The following HTR3B variants were observed in gnomAD, a reference collection of about 807,000 sequenced individuals.
HTR3B encodes the protein 5-hydroxytryptamine receptor 3B.
HTR3B carries 44 observed loss-of-function variants against 42.8 expected under a neutral mutation model. That is an observed-to-expected ratio of 1.03 (90% CI 0.81 to 1.32). HTR3B has a LOEUF of 1.32. Ranked by LOEUF, HTR3B falls within the 40% of genes most tolerant of loss-of-function variation. The pLI is 0.00. For missense variants in HTR3B, 527 were observed against 536.5 expected, an observed-to-expected ratio of 0.98 and a Z score of 0.17; for synonymous variants, 203 against 209.0, an observed-to-expected ratio of 0.97 and a Z score of 0.25.
intron 2 of HTR3B, among the ~76,000 whole-genome samples, chr11:113,915,495 A>G (rs938127589): frequency 3.9e-5 from 6 of 152,222 alleles, no homozygotes; most frequent in Non-Finnish European, 5.9e-5. Flanking sequence ...TTCACTTAGC[A>G]TAATGCCTTT....
chr11:113,932,190 G>A (rs1950041952), intron 4 of HTR3B, 99 bp from the exon 5 acceptor site: 1 of 974,322 alleles, frequency 1.0e-6, no homozygotes, highest in African/African-American at 1.6e-5. Flanking sequence ...GGCTAGGCTG[G>A]TCCTGGACCT....
At position 113,927,479 on chromosome 11, in the gene HTR3B, G is replaced by A. The variant is rs116101695; in HGVS notation, c.214-3905G>A. ...AATTCAAATTATAAAAGCAACCATC[G>A]CTGCTAATTTTTACTTTTCTCTGCA... On this transcript the variant is annotated intron_variant, in intron 2 of 8. Coordinates refer to ENST00000260191, the MANE Select transcript of HTR3B (RefSeq NM_006028.5). Among the ~76,000 whole-genome samples the A allele has an allele frequency of 7.2e-5, 11 of 152,028 alleles. No individual in the cohort carries two copies. In the South Asian group the frequency reaches 8.3e-4, roughly 12 times the overall value.
rs925014962 is a variant in HTR3B, at chr11:113,942,699, T to C, written c.697-283T>C. On this transcript the variant is annotated intron_variant, in intron 6 of 8. Coordinates refer to ENST00000260191, the MANE Select transcript of HTR3B (RefSeq NM_006028.5). Reference sequence around the variant, plus strand: ...TAAGTTAAGTTTATGAGCCACTGAGTCTGGTGCCTGGCACACAGCAAGTGG... The same window carrying C: ...TAAGTTAAGTTTATGAGCCACTGAGCCTGGTGCCTGGCACACAGCAAGTGG... Among the ~76,000 whole-genome samples, 23 of 152,252 alleles carry C rather than the reference T, an allele frequency of 1.5e-4. No homozygotes were observed. In the South Asian group the frequency reaches 1.9e-3, roughly 12 times the overall value.
intron 4 of HTR3B, 42 bp from the exon 5 acceptor site, chr11:113,932,247 A>G: frequency 6.5e-7 from 1 of 1,535,750 alleles, no homozygotes; most frequent in Non-Finnish European, 9.0e-7. Context: ...GAAATGACCA[A>G]CATCCTCTCT....
intron 2 of HTR3B, among the ~76,000 whole-genome samples, chr11:113,912,508 G>C (rs927828664): frequency 7.2e-5 from 11 of 152,224 alleles, no homozygotes; most frequent in Non-Finnish European, 1.5e-5. Context: ...CTCCCAAAGT[G>C]CTGGGATTAC....
chr11:113,905,688 C>T (rs1949728850), intron 1 of HTR3B, among the ~76,000 whole-genome samples: 1 of 152,114 alleles, frequency 6.6e-6, no homozygotes, highest in African/African-American at 2.4e-5. Flanking sequence ...TACATGCGCA[C>T]AAATCAAGAA....
At chr11:113,910,487 C>G (rs980152686) in intron 2 of HTR3B, among the ~76,000 whole-genome samples, 11 of 149,686 alleles carry the variant, frequency 7.3e-5, no homozygotes, top group Non-Finnish European at 1.5e-5. Flanking sequence ...GTCACCCAGG[C>G]TGGAGTCCAA....
At chr11:113,913,109 G>A (rs565254894) in intron 2 of HTR3B, among the ~76,000 whole-genome samples, 1 of 150,232 alleles carries the variant, frequency 6.7e-6, no homozygotes, top group Admixed American at 6.6e-5. Context: ...TTTCTTAATG[G>A]GTCTTACAAT....
rs267602701 is a variant in HTR3B at position 113,931,784 on chromosome 11, G to A, written c.285G>A (p.Trp95Ter). 6.2e-7 allele frequency: 1 copy of A among 1,612,144 alleles called. No individual in the cohort carries two copies. The highest frequency in any genetic ancestry group is 1.1e-5 in the South Asian group (1 of 91,044). ...QEVWNDEFLS[W>*]NSSMFDEIRE... is the part of the protein sequence containing the mutation. ...TCTGGAATGATGAATTTTTATCCTG[G>A]AACTCCAGCATGTTTGATGAGATTA... The change falls in exon 4 of 9, where the codon TGG (tryptophan) becomes TGA (stop). Residue 95 changes from tryptophan (W) to a stop codon, truncating the protein, a stop_gained. Coordinates refer to ENST00000260191, the MANE Select transcript of HTR3B (RefSeq NM_006028.5). LOFTEE classifies it high-confidence loss of function.
the HTR3B span, among the ~76,000 whole-genome samples, chr11:113,898,938 G>A: frequency 6.6e-6 from 1 of 152,078 alleles, no homozygotes; most frequent in African/African-American, 2.4e-5. Flanking sequence ...ATAAATTTGT[G>A]GTAATTTTTA....
upstream of HTR3B, among the ~76,000 whole-genome samples, chr11:113,901,801 A>C (rs751516292): frequency 2.6e-4 from 40 of 152,232 alleles, no homozygotes; most frequent in Admixed American, 1.3e-4. Context: ...CGTCCCCAGA[A>C]GGTTTGACTT....
chr11:113,944,918 A>G (rs1950165249), intron 8 of HTR3B, among the ~76,000 whole-genome samples, 163 bp downstream of exon 8: 1 of 152,270 alleles, frequency 6.6e-6, no homozygotes, highest in East Asian at 1.9e-4. Flanking sequence ...TGGAGACTGA[A>G]GGCTGCCTGC....
rs71063533 is a variant in HTR3B, at chr11:113,913,350, A to ATTTTTTTTTT, written c.213+3918_213+3927dup. ...AGGTGCCTGCCACCATGTCTGGCTA[A>ATTTTTTTTTT]TTTTTTTTTTTTTTTTTTTTTTTTT... On this transcript the variant is annotated intron_variant, in intron 2 of 8. Coordinates refer to ENST00000260191, the MANE Select transcript of HTR3B (RefSeq NM_006028.5). 3.0e-3 allele frequency among the ~76,000 whole-genome samples: 182 copies of ATTTTTTTTTT among 61,508 alleles called. 6 individuals are homozygous for ATTTTTTTTTT. Among genetic ancestry groups the ATTTTTTTTTT allele is most frequent in the Admixed American group, 9.7e-3 (38 of 3,916 alleles). The allele number at this position is 61,508 out of a possible 152,430, so 40.4% of individuals were successfully genotyped here. A position where few individuals can be genotyped will look rare whatever the true frequency, so the allele number is the denominator to read the frequency against.
intron 6 of HTR3B, among the ~76,000 whole-genome samples, chr11:113,939,640 G>T (rs1346303928): frequency 6.6e-6 from 1 of 152,178 alleles, no homozygotes; most frequent in Non-Finnish European, 1.5e-5. Context: ...ACATAGATTT[G>T]CTGTCGTGTC....
At chr11:113,910,646 G>C (rs1029211553) in intron 2 of HTR3B, among the ~76,000 whole-genome samples, 15 of 150,688 alleles carry the variant, frequency 1.0e-4, no homozygotes, top group African/African-American at 3.7e-4. Context: ...TCACCTGTTG[G>C]ACAGGTTGGT....
intron 2 of HTR3B, among the ~76,000 whole-genome samples, chr11:113,915,411 C>A (rs917079403): frequency 1.3e-5 from 2 of 151,946 alleles, no homozygotes; most frequent in Non-Finnish European, 2.9e-5. Context: ...ATTTTTTTTC[C>A]CTCTAGTTTT....
upstream of HTR3B, among the ~76,000 whole-genome samples, chr11:113,902,893 G>C (rs1350737611): frequency 6.6e-6 from 1 of 151,968 alleles, no homozygotes; most frequent in East Asian, 1.9e-4. Flanking sequence ...TTTTGAGACA[G>C]GGTCTACCTC....
Position 113,904,955 on chromosome 11 carries a change from C to T in HTR3B, c.22C>T (p.Pro8Ser). Residue 8 changes from proline (P) to serine (S), a missense_variant, in exon 1 of 9, where the codon CCC (proline) becomes TCC (serine). Physicochemically the swap from Pro to Ser is moderately conservative, Grantham distance 74. Coordinates refer to ENST00000260191, the MANE Select transcript of HTR3B (RefSeq NM_006028.5). ...AGGAATGTTGTCAAGTGTAATGGCT[C>T]CCCTGTGGGCCTGCATCCTGGTGGC... Reference protein sequence around the residue: MLSSVMAPLWACILVAAG... With the variant: MLSSVMASLWACILVAAG... The T allele has an allele frequency of 1.2e-6, 2 of 1,613,724 alleles. No homozygotes were observed. Among genetic ancestry groups the T allele is most frequent in the Non-Finnish European group, 8.5e-7 (1 of 1,179,706 alleles).
chr11:113,945,373 G>A (rs1950168731), intron 8 of HTR3B, among the ~76,000 whole-genome samples: 1 of 152,182 alleles, frequency 6.6e-6, no homozygotes. Context: ...GACCTCAGGT[G>A]ATCCACCCAC....
Sources: gnomAD v4.1 joint callset for allele counts (sites outside exome capture counted in the v4.1 genomes callset) on GRCh38, gnomAD v4.1.1 for gene constraint, MANE v1.5 for transcripts, NCBI Gene and HGNC (gene_info 2026-07-23, HGNC 2026-07-21) for gene names.